The following TOP2B variants were observed in gnomAD, a reference collection of about 807,000 sequenced individuals.
TOP2B encodes the protein DNA topoisomerase 2-beta.
TOP2B carries 51 observed loss-of-function variants against 193.5 expected under a neutral mutation model. That is an observed-to-expected ratio of 0.26 (90% CI 0.21 to 0.33). The LOEUF (loss-of-function observed/expected upper bound fraction) is 0.33. Among genes scored for constraint, TOP2B ranks in the 10% least tolerant of loss-of-function variants. The pLI is 1.00. For synonymous variants in TOP2B, 634 were observed against 635.7 expected (o/e 1.00, Z 0.04); for missense variants, 1,378 against 1,909.3 (o/e 0.72, Z 5.19).
intron 13 of TOP2B, 26 bp downstream of exon 13, chr3:25,630,003 A>C (rs1480910837): frequency 6.4e-7 from 1 of 1,554,556 alleles, no homozygotes; most frequent in East Asian, 2.3e-5. Context: ...CATGAATTTG[A>C]AATATGTGGT....
intron 1 of TOP2B, among the ~76,000 whole-genome samples, chr3:25,655,051 C>CA (rs1703705385): frequency 1.3e-5 from 2 of 152,122 alleles, no homozygotes; most frequent in African/African-American, 4.8e-5. Flanking sequence ...CAAAAATAGA[C>CA]AAACAGGACA....
chr3:25,615,598 A>G lies in TOP2B; in HGVS notation c.3352-12T>C. 1 of 1,513,336 alleles carries G rather than the reference A, an allele frequency of 6.6e-7. No individual in the cohort carries two copies. The highest frequency in any genetic ancestry group is 8.8e-7 in the Non-Finnish European group (1 of 1,134,192). The allele number at this position is 1,513,336 out of a possible 1,614,324, so 93.7% of individuals were successfully genotyped here. A position where few individuals can be genotyped will look rare whatever the true frequency, so the allele number is the denominator to read the frequency against. The stretch of plus-strand genomic sequence containing the variant: ...TCCTCTTCTGCTGCCTGTAAAAAAT[A>G]ACAAACTGTATATTAAAGTCTTGTA... On this transcript the variant is annotated splice_polypyrimidine_tract_variant and intron_variant, in intron 25 of 35. Coordinates refer to ENST00000264331, the MANE Select transcript of TOP2B (RefSeq NM_001330700.2).
chr3:25,664,555 A>T lies in TOP2B; in HGVS notation c.-258T>A. ...CTAGCGCGGCGGCTGAGGAGAAAGCAGGGAGCGACCGGCGGCGGCCGAGCG... is the reference window on the plus strand; with the variant it reads ...CTAGCGCGGCGGCTGAGGAGAAAGCTGGGAGCGACCGGCGGCGGCCGAGCG... On this transcript the variant is annotated 5_prime_UTR_variant, in exon 1 of 36. Coordinates refer to ENST00000264331, the MANE Select transcript of TOP2B (RefSeq NM_001330700.2). 9.2e-7 allele frequency: 1 copy of T among 1,092,488 alleles called. No individual in the cohort carries two copies. The allele number at this position is 1,092,488 out of a possible 1,614,324, so 67.7% of individuals were successfully genotyped here.
intron 15 of TOP2B, among the ~76,000 whole-genome samples, chr3:25,628,501 T>A (rs971698418): frequency 1.3e-5 from 2 of 152,144 alleles, no homozygotes; most frequent in African/African-American, 4.8e-5. Context: ...AAGAAGGTTA[T>A]GATAATGGTA....
At chr3:25,619,738 G>GAAA (rs375797612) in intron 23 of TOP2B, 124 bp downstream of exon 23, 380 of 523,402 alleles carry the variant, frequency 7.3e-4, no homozygotes, top group South Asian at 1.6e-3. Flanking sequence ...TGCAGGATGG[G>GAAA]AAAAAAAAAA....
In TOP2B at chr3:25,618,854, G is replaced by C; in HGVS notation, c.3064-5C>G. Reference sequence around the variant, plus strand: ...TCCCATATGATCAAAAAGTACCTAAGCAAAACACATATACTTTGCAGATCA... The same window carrying C: ...TCCCATATGATCAAAAAGTACCTAACCAAAACACATATACTTTGCAGATCA... On this transcript the variant is annotated splice_polypyrimidine_tract_variant and splice_region_variant and intron_variant, in intron 23 of 35. Transcript: ENST00000264331. 3 of 1,591,704 alleles carry C rather than the reference G, an allele frequency of 1.9e-6. No homozygotes were observed. Among genetic ancestry groups the C allele is most frequent in the Non-Finnish European group, 2.6e-6 (3 of 1,167,088 alleles).
Position 25,598,107 on chromosome 3 carries a change from G to T in TOP2B, c.*200C>A. ...AACAATTCTACAAGCCAATCAGACA[G>T]TACGTGACATTTCAATGAGTAAAAA... On this transcript the variant is annotated 3_prime_UTR_variant, in exon 36 of 36. Transcript: ENST00000264331. 1 of 498,848 alleles carries T rather than the reference G, an allele frequency of 2.0e-6. No individual in the cohort carries two copies. Among genetic ancestry groups the T allele is most frequent in the Non-Finnish European group, 3.5e-6 (1 of 287,520 alleles). 30.9% of individuals were successfully genotyped at this position (498,848 alleles called of 1,614,324 possible). A position where few individuals can be genotyped will look rare whatever the true frequency, so the allele number is the denominator to read the frequency against.
At chr3:25,631,064 A>C in intron 10 of TOP2B, 125 bp from the exon 11 acceptor site, 1 of 713,888 alleles carries the variant, frequency 1.4e-6, no homozygotes, top group Non-Finnish European at 2.1e-6. Context: ...CAAAACAATA[A>C]TGGTGATAAG....
rs150289095 is a variant in TOP2B at position 25,644,357 on chromosome 3, G to T, written c.241-573C>A. ...GCAGTAAACAATAGTCAGTGTATAT[G>T]TACAAATTCTGCAAGGTACTACCAT... On this transcript the variant is annotated intron_variant, in intron 2 of 35. Coordinates refer to ENST00000264331, the MANE Select transcript of TOP2B (RefSeq NM_001330700.2). Among the ~76,000 whole-genome samples, 559 of 152,246 alleles carry T rather than the reference G, an allele frequency of 3.7e-3. 6 individuals are homozygous for T. In the East Asian group the frequency reaches 0.044, roughly 12 times the overall value.
Position 25,628,829 on chromosome 3 carries a change from G to T in TOP2B, c.1906+18C>A. ...ATTTATATCAGTATTTAAAATCTAA[G>T]TATTTTAAAATACAAACCTTTATAG... On this transcript the variant is annotated intron_variant, in intron 15 of 35. Transcript: ENST00000264331. The T allele has an allele frequency of 7.5e-7, 1 of 1,340,574 alleles. No homozygotes were observed. The highest frequency in any genetic ancestry group is 1.0e-6 in the Non-Finnish European group (1 of 972,966). The allele number at this position is 1,340,574 out of a possible 1,614,324, so 83.0% of individuals were successfully genotyped here. A position where few individuals can be genotyped will look rare whatever the true frequency, so the allele number is the denominator to read the frequency against.
intron 27 of TOP2B, 79 bp from the exon 28 acceptor site, chr3:25,612,788 CAAAT>C: frequency 9.5e-7 from 1 of 1,055,592 alleles, no homozygotes; most frequent in South Asian, 1.6e-5. Flanking sequence ...AATACTGAAA[CAAAT>C]GTTATTCACT....
chr3:25,603,956 A>C (rs542444358), intron 33 of TOP2B, among the ~76,000 whole-genome samples: 86 of 152,350 alleles, frequency 5.6e-4, no homozygotes, highest in African/African-American at 2.1e-3. Flanking sequence ...CCCAATATGC[A>C]CTAAGTGGTA....
Position 25,664,418 on chromosome 3 carries a change from A to C in TOP2B, c.-121T>G. ...ACTCGCCGCACTCCTAGCCGCGCCG[A>C]CCCCCGCGCCCCATCGCGAAGATCC... On this transcript the variant is annotated 5_prime_UTR_variant, in exon 1 of 36. Coordinates refer to ENST00000264331, the MANE Select transcript of TOP2B (RefSeq NM_001330700.2). The C allele has an allele frequency of 5.5e-6, 7 of 1,268,198 alleles. No individual in the cohort carries two copies. Among genetic ancestry groups the C allele is most frequent in the Non-Finnish European group, 5.9e-6 (6 of 1,012,348 alleles). 78.6% of individuals were successfully genotyped at this position (1,268,198 alleles called of 1,614,324 possible).
intron 30 of TOP2B, among the ~76,000 whole-genome samples, chr3:25,607,665 G>A (rs1702268139): frequency 6.6e-6 from 1 of 152,108 alleles, no homozygotes; most frequent in Admixed American, 6.5e-5. Context: ...AAAACACTGA[G>A]GAAAGTAGTC....
intron 5 of TOP2B, 107 bp from the exon 6 acceptor site, chr3:25,637,419 C>T: frequency 1.5e-6 from 1 of 667,354 alleles, no homozygotes; most frequent in South Asian, 1.9e-5. Flanking sequence ...CCACTAACTG[C>T]ATTACCAATC....
chr3:25,623,373 T>C, intron 21 of TOP2B, 142 bp downstream of exon 21: 1 of 714,316 alleles, frequency 1.4e-6, no homozygotes, highest in Non-Finnish European at 2.3e-6. Flanking sequence ...TGTAGGCACA[T>C]ATCAAATTAT....
At chr3:25,646,632 T>C (rs2125398612) in intron 1 of TOP2B, among the ~76,000 whole-genome samples, 1 of 152,324 alleles carries the variant, frequency 6.6e-6, no homozygotes, top group South Asian at 2.1e-4. Context: ...AATTAAAATA[T>C]CTTCAGAGGC....
At position 25,626,872 on chromosome 3, in the gene TOP2B, A is replaced by T. The variant is rs1702815693; in HGVS notation, c.2017-8T>A. 6.5e-7 allele frequency: 1 copy of T among 1,537,970 alleles called. No homozygotes were observed. Among genetic ancestry groups the T allele is most frequent in the African/African-American group, 1.4e-5 (1 of 73,562 alleles). On this transcript the variant is annotated splice_region_variant and splice_polypyrimidine_tract_variant and intron_variant, in intron 16 of 35. Coordinates refer to ENST00000264331, the MANE Select transcript of TOP2B (RefSeq NM_001330700.2). ...CTTCTTCTTACTAAATGCCTGAAAG[A>T]TTCCAGGTAACGATTTTGCACATTA...
chr3:25,605,934 T>C, intron 32 of TOP2B, 109 bp downstream of exon 32: 1 of 546,348 alleles, frequency 1.8e-6, no homozygotes, highest in Non-Finnish European at 2.9e-6. Context: ...AGTTTTCTAC[T>C]CATTAAAAAT....
Sources: allele counts gnomAD v4.1 joint callset (sites outside exome capture counted in the v4.1 genomes callset), GRCh38; gene constraint gnomAD v4.1.1; transcripts MANE v1.5; gene names NCBI Gene and HGNC (gene_info 2026-07-23, HGNC 2026-07-21).